MYO3A: variants seen among roughly 807,000 people sequenced by gnomAD.
MYO3A encodes myosin IIIA, also known as myosin-IIIa.
Under a neutral mutation model 192.7 loss-of-function variants are expected in MYO3A, and 180 were observed. The ratio of observed to expected loss-of-function variants is 0.93; its 90% CI spans 0.83 to 1.06. MYO3A has a LOEUF of 1.06. Among genes scored for constraint, MYO3A ranks in the 50% least tolerant of loss-of-function variants. The pLI, the probability that MYO3A is intolerant of heterozygous loss-of-function variation, is 0.00. For synonymous variants in MYO3A, 628 were observed against 645.3 expected, an observed-to-expected ratio of 0.97 and a Z score of 0.41; for missense variants, 1,896 against 1,905.0, an observed-to-expected ratio of 1.00 and a Z score of 0.09.
At chr10:26,134,630 A>G (rs992021040) in intron 20 of MYO3A, among the ~76,000 whole-genome samples, 6 of 152,198 alleles carry the variant, frequency 3.9e-5, no homozygotes, top group African/African-American at 1.4e-4. Flanking sequence ...CTATTCTTGA[A>G]ATTTTCTGTA....
chr10:26,144,909 C>T (rs748517922), intron 21 of MYO3A, among the ~76,000 whole-genome samples: 8 of 152,206 alleles, frequency 5.3e-5, no homozygotes, highest in Admixed American at 2.0e-4. Context: ...GGTGCAGTGG[C>T]CCACACCTGT....
intron 14 of MYO3A, among the ~76,000 whole-genome samples, chr10:26,082,750 C>T (rs1433377805): frequency 6.6e-5 from 8 of 120,302 alleles, no homozygotes; most frequent in Non-Finnish European, 1.6e-4. Flanking sequence ...TTCTCTCTCT[C>T]TCTTTTTCTC....
At position 25,949,365 on chromosome 10, in the gene MYO3A, T is replaced by C. The variant is rs141670648; in HGVS notation, c.-17-2729T>C. On this transcript the variant is annotated intron_variant, in intron 2 of 34. Coordinates refer to ENST00000642920, the MANE Select transcript of MYO3A (RefSeq NM_017433.5). ...TTACTGCTTGAAAGGCAGTATTCCA[T>C]GTAATGAATGTTTCTGTTGGTTGAC... 7.1e-3 allele frequency among the ~76,000 whole-genome samples: 1,078 copies of C among 152,214 alleles called. 19 individuals carry two copies. Among genetic ancestry groups the C allele is most frequent in the African/African-American group, 0.024 (1,012 of 41,564 alleles).
At chr10:25,990,115 A>C (rs868530882) in intron 4 of MYO3A, among the ~76,000 whole-genome samples, 34 of 152,186 alleles carry the variant, frequency 2.2e-4, no homozygotes, top group African/African-American at 7.2e-4. Flanking sequence ...GTGATATTTA[A>C]TATTACGTAA....
chr10:25,990,975 G>A (rs1839989629), intron 4 of MYO3A, among the ~76,000 whole-genome samples: 1 of 152,078 alleles, frequency 6.6e-6, no homozygotes, highest in African/African-American at 2.4e-5. Context: ...ATAAACATAT[G>A]TGTGCATGTG....
At chr10:26,192,999 C>T (rs896853881) in intron 31 of MYO3A, among the ~76,000 whole-genome samples, 2 of 151,952 alleles carry the variant, frequency 1.3e-5, no homozygotes, top group Non-Finnish European at 1.5e-5. Flanking sequence ...CCCCTTAGCT[C>T]TCAAAGTCCT....
chr10:26,019,318 G>A (rs1842168368), intron 7 of MYO3A, among the ~76,000 whole-genome samples: 1 of 151,714 alleles, frequency 6.6e-6, no homozygotes, highest in South Asian at 2.1e-4. Flanking sequence ...GAGTGCAGTG[G>A]CGCAATCTCG....
chr10:26,159,292 T>C (rs2131949101), intron 26 of MYO3A, among the ~76,000 whole-genome samples: 1 of 151,738 alleles, frequency 6.6e-6, no homozygotes. Context: ...GCCTGGCCTA[T>C]TTCTGCTAAT....
At chr10:26,059,139 T>C (rs1427225252) in intron 10 of MYO3A, among the ~76,000 whole-genome samples, 1 of 152,184 alleles carries the variant, frequency 6.6e-6, no homozygotes, top group Non-Finnish European at 1.5e-5. Context: ...AGAACAAAGA[T>C]AGTTTTATTT....
intron 4 of MYO3A, among the ~76,000 whole-genome samples, chr10:25,993,055 A>G (rs548040468): frequency 2.6e-5 from 4 of 152,166 alleles, no homozygotes; most frequent in Admixed American, 6.5e-5. Flanking sequence ...CTCTTTTTCT[A>G]TTGATTGGAA....
Position 26,021,357 on chromosome 10 carries a change from A to G in MYO3A, c.586-146A>G. ...ACTACCAATAATAATTTGATCTTTT[A>G]TTCTCCTCCTAAGTTACTGCCTTCG... On this transcript the variant is annotated intron_variant, in intron 7 of 34. Transcript: ENST00000642920. 4.3e-6 allele frequency: 4 copies of G among 919,816 alleles called. No homozygotes were observed. In the South Asian group the frequency reaches 5.7e-5, roughly 13 times the overall value. The allele number at this position is 919,816 out of a possible 1,614,324, so 57.0% of individuals were successfully genotyped here. A position where few individuals can be genotyped will look rare whatever the true frequency, so the allele number is the denominator to read the frequency against.
chr10:26,164,350 C>T (rs1215422896), intron 26 of MYO3A, among the ~76,000 whole-genome samples: 1 of 149,386 alleles, frequency 6.7e-6, no homozygotes, highest in African/African-American at 2.5e-5. Context: ...GAGGAGATGG[C>T]CTCTAGAACA....
At chr10:26,040,228 T>C (rs2131214254) in intron 10 of MYO3A, among the ~76,000 whole-genome samples, 1 of 152,174 alleles carries the variant, frequency 6.6e-6, no homozygotes. Context: ...TACATAAACA[T>C]GTTTTTTGAG....
intron 23 of MYO3A, among the ~76,000 whole-genome samples, chr10:26,148,455 A>T (rs1209712425): frequency 2.6e-5 from 4 of 152,184 alleles, no homozygotes; most frequent in Non-Finnish European, 4.4e-5. Context: ...CTTTGTTCTT[A>T]TTCAGGCTTG....
intron 9 of MYO3A, among the ~76,000 whole-genome samples, chr10:26,025,192 C>G (rs915393149): frequency 6.6e-6 from 1 of 152,106 alleles, no homozygotes; most frequent in African/African-American, 2.4e-5. Flanking sequence ...ATTCTTATTC[C>G]TTAGCATATT....
intron 4 of MYO3A, among the ~76,000 whole-genome samples, chr10:25,989,667 TAAC>T (rs1287835412): frequency 6.7e-6 from 1 of 149,286 alleles, no homozygotes; most frequent in African/African-American, 2.6e-5. Flanking sequence ...CAATTCATCT[TAAC>T]TATTATTATT....
At chr10:26,011,274 C>G (rs1449868170) in intron 6 of MYO3A, among the ~76,000 whole-genome samples, 2 of 151,938 alleles carry the variant, frequency 1.3e-5, no homozygotes, top group Non-Finnish European at 2.9e-5. Flanking sequence ...ACTAAAAATA[C>G]AAAATAAAAG....
chr10:26,107,309 G>A (rs931538986), intron 17 of MYO3A, among the ~76,000 whole-genome samples: 6 of 151,816 alleles, frequency 4.0e-5, no homozygotes, highest in Admixed American at 6.6e-5. Context: ...GTGAAACCCC[G>A]TCTCTACTCA....
At chr10:25,958,622 G>A (rs1027293747) in intron 4 of MYO3A, among the ~76,000 whole-genome samples, 7 of 152,050 alleles carry the variant, frequency 4.6e-5, no homozygotes, top group Non-Finnish European at 1.0e-4. Context: ...TTCTAGTTCT[G>A]TGAAGAATGT....
Sources: gnomAD v4.1 joint callset for allele counts (sites outside exome capture counted in the v4.1 genomes callset) on GRCh38, gnomAD v4.1.1 for gene constraint, MANE v1.5 for transcripts, NCBI Gene and HGNC (gene_info 2026-07-23, HGNC 2026-07-21) for gene names.